The following EPM2A variants were observed in gnomAD, a reference collection of about 807,000 sequenced individuals.
EPM2A encodes laforin.
A neutral mutation model predicts 26.5 loss-of-function variants in EPM2A; 21 were observed. That is an observed-to-expected ratio of 0.79 (90% confidence interval 0.56 to 1.14). The LOEUF (loss-of-function observed/expected upper bound fraction) is 1.14. Among genes scored for constraint, EPM2A ranks in the 50% most tolerant of loss-of-function variants. The pLI, the probability that EPM2A is intolerant of heterozygous loss-of-function variation, is 0.00. For synonymous variants in EPM2A, 217 were observed against 177.6 expected (o/e 1.22, Z -1.76); for missense variants, 458 against 440.8 (o/e 1.04, Z -0.35).
At chr6:145,606,547 A>G (rs1231992617) in intron 2 of EPM2A, among the ~76,000 whole-genome samples, 1 of 152,178 alleles carries the variant, frequency 6.6e-6, no homozygotes, top group African/African-American at 2.4e-5. Flanking sequence ...CTATGCTAAA[A>G]CATGAATATT....
chr6:145,419,187 C>G lies in EPM2A; in HGVS notation c.556-35090G>C, dbSNP rs369069371. On this transcript the variant is annotated intron_variant, in intron 4 of 4. Transcript: ENST00000638717. ...AGCAAATTCTGTTAAATGTCCCCCCCCCCCGCTCCTTTCCCCAGCAGCGCA... is the reference window on the plus strand; with the variant it reads ...AGCAAATTCTGTTAAATGTCCCCCCGCCCCGCTCCTTTCCCCAGCAGCGCA... Among the ~76,000 whole-genome samples the G allele has an allele frequency of 1.5e-3, 231 of 150,580 alleles. 4 individuals are homozygous for G. The highest frequency in any genetic ancestry group is 6.8e-3 in the Middle Eastern group (2 of 294).
chr6:145,543,932 T>G (rs930936096), intron 2 of EPM2A, among the ~76,000 whole-genome samples: 2 of 152,216 alleles, frequency 1.3e-5, no homozygotes, highest in African/African-American at 4.8e-5. Flanking sequence ...TGGGATGTTG[T>G]ATTTCTCAAC....
chr6:145,505,098 G>T (rs1183294504), intron 2 of EPM2A, among the ~76,000 whole-genome samples: 2 of 118,806 alleles, frequency 1.7e-5, no homozygotes, highest in Non-Finnish European at 3.4e-5. Flanking sequence ...ACTGTGGTGG[G>T]GTGGGGGGAG....
At chr6:145,632,802 G>A (rs1364856387) in intron 3 of EPM2A, among the ~76,000 whole-genome samples, 1 of 152,124 alleles carries the variant, frequency 6.6e-6, no homozygotes, top group Non-Finnish European at 1.5e-5. Flanking sequence ...CACAGACATT[G>A]GTCTATTGGT....
At chr6:145,580,229 C>A (rs893519958) in intron 2 of EPM2A, among the ~76,000 whole-genome samples, 1 of 151,984 alleles carries the variant, frequency 6.6e-6, no homozygotes, top group Admixed American at 6.6e-5. Context: ...TATAAGGCTG[C>A]CAGAGATGAA....
At chr6:145,720,621 T>C (rs1775903182) in intron 1 of EPM2A, among the ~76,000 whole-genome samples, 1 of 152,148 alleles carries the variant, frequency 6.6e-6, no homozygotes. Flanking sequence ...AAATACTGAT[T>C]GTCATATTCA....
intron 2 of EPM2A, among the ~76,000 whole-genome samples, chr6:145,526,447 T>G (rs1223331013): frequency 6.6e-6 from 1 of 152,002 alleles, no homozygotes; most frequent in Middle Eastern, 3.2e-3. Context: ...TTTTTTTTAT[T>G]ATTATTACTG....
At position 145,696,803 on chromosome 6, in the gene EPM2A, G is replaced by GTGTGTGTT. The variant is rs1554264381; in HGVS notation, c.302-10508_302-10507insAACACACA. Among the ~76,000 whole-genome samples the GTGTGTGTT allele has an allele frequency of 7.3e-5, 11 of 151,202 alleles. 1 individual carries two copies. The highest frequency in any genetic ancestry group is 7.3e-4 in the Admixed American group (11 of 15,152). ...TGTGTGTGTGTGTGTGTGTGTGTGT[G>GTGTGTGTT]TGTGTGTGTGTGTGTGTGTGTGTGG... On this transcript the variant is annotated intron_variant, in intron 1 of 3. Transcript: ENST00000367519.
chr6:145,646,851 G>C (rs920022243), intron 2 of EPM2A, among the ~76,000 whole-genome samples: 1 of 151,698 alleles, frequency 6.6e-6, no homozygotes, highest in African/African-American at 2.4e-5. Flanking sequence ...ACCTACAAAC[G>C]TGCACGATTC....
At chr6:145,538,330 T>C (rs987770983) in intron 2 of EPM2A, among the ~76,000 whole-genome samples, 1 of 152,120 alleles carries the variant, frequency 6.6e-6, no homozygotes, top group African/African-American at 2.4e-5. Context: ...AACTTGGAAA[T>C]AAGAAGAACT....
intron 2 of EPM2A, among the ~76,000 whole-genome samples, chr6:145,563,503 T>C (rs1432549630): frequency 6.6e-6 from 1 of 151,950 alleles, no homozygotes; most frequent in Admixed American, 6.6e-5. Context: ...CACTGAGTCA[T>C]GGCTGTGAGT....
At chr6:145,719,695 A>T (rs1041302239) in intron 1 of EPM2A, among the ~76,000 whole-genome samples, 5 of 152,206 alleles carry the variant, frequency 3.3e-5, no homozygotes, top group African/African-American at 1.2e-4. Flanking sequence ...TTGACAATAA[A>T]CATTTTTTCC....
intron 2 of EPM2A, among the ~76,000 whole-genome samples, chr6:145,611,183 A>C (rs1482572712): frequency 2.0e-5 from 3 of 152,196 alleles, no homozygotes; most frequent in Non-Finnish European, 4.4e-5. Context: ...CCTAGAAAAA[A>C]AATTGGCAAA....
At chr6:145,425,983 T>C (rs1778849961) in intron 4 of EPM2A, among the ~76,000 whole-genome samples, 2 of 152,356 alleles carry the variant, frequency 1.3e-5, no homozygotes, top group African/African-American at 2.4e-5. Context: ...TTTTAAATTA[T>C]CTATTTAAAA....
chr6:145,589,823 A>C (rs1297477467), intron 2 of EPM2A, among the ~76,000 whole-genome samples: 1 of 151,742 alleles, frequency 6.6e-6, no homozygotes, highest in Non-Finnish European at 1.5e-5. Flanking sequence ...AAAGTTCTGA[A>C]GCATTAAGCC....
chr6:145,680,114 G>C (rs1216816927), intron 2 of EPM2A: 1 of 151,998 alleles, frequency 6.6e-6, no homozygotes, highest in Non-Finnish European at 1.5e-5. Context: ...TGAACTTAAA[G>C]AGATGAAAGT....
chr6:145,709,660 G>C (rs1399231971), intron 1 of EPM2A, among the ~76,000 whole-genome samples: 2 of 152,068 alleles, frequency 1.3e-5, no homozygotes, highest in Non-Finnish European at 2.9e-5. Context: ...TAAATATTTT[G>C]AATACACATG....
intron 4 of EPM2A, among the ~76,000 whole-genome samples, chr6:145,430,516 G>T (rs916219933): frequency 2.0e-5 from 3 of 151,740 alleles, no homozygotes; most frequent in African/African-American, 7.3e-5. Context: ...CAGGAGAATC[G>T]CTTGAACCTG....
At chr6:145,709,360 C>T (rs900639345) in intron 1 of EPM2A, among the ~76,000 whole-genome samples, 4 of 152,088 alleles carry the variant, frequency 2.6e-5, no homozygotes, top group Admixed American at 6.5e-5. Context: ...ATGGGAGGGA[C>T]CCAGTGGGAG....
Sources: allele counts gnomAD v4.1 joint callset (sites outside exome capture counted in the v4.1 genomes callset), GRCh38; gene constraint gnomAD v4.1.1; transcripts MANE v1.5; gene names NCBI Gene and HGNC (gene_info 2026-07-23, HGNC 2026-07-21).